Variants in MAOB observed in about 807,000 individuals in gnomAD.
MAOB encodes the protein monoamine oxidase B.
Under a neutral mutation model 41.9 loss-of-function variants are expected in MAOB, and 15 were observed. The ratio of observed to expected loss-of-function variants is 0.36; its 90% CI spans 0.24 to 0.55. MAOB has a LOEUF of 0.55. Ranked by LOEUF, MAOB falls within the 20% of genes least tolerant of loss-of-function variation. The pLI is 0.86. For missense variants in MAOB, 345 were observed against 398.7 expected (o/e 0.87, Z 1.15); for synonymous variants, 167 against 144.2 (o/e 1.16, Z -1.13).
chrX:43,877,164 C>G (rs867502910), intron 1 of MAOB, among the ~76,000 whole-genome samples: 6 of 112,208 alleles, frequency 5.3e-5, no homozygotes, highest in African/African-American at 1.9e-4. Flanking sequence ...CCCAAGGTGG[C>G]ACAGCTAGTT....
intron 8 of MAOB, among the ~76,000 whole-genome samples, chrX:43,785,665 A>T (rs1042546208): frequency 8.9e-6 from 1 of 112,244 alleles, no homozygotes; most frequent in African/African-American, 3.2e-5. Context: ...GATGTGCAGC[A>T]CTTTCTTTCA....
chrX:43,882,165 C>T (rs2035477411), intron 1 of MAOB, 89 bp downstream of exon 1: 2 of 1,161,998 alleles, frequency 1.7e-6, no homozygotes, highest in Non-Finnish European at 2.3e-6. Context: ...AGGGTCAGCC[C>T]CTGCCCCACG....
intron 3 of MAOB, among the ~76,000 whole-genome samples, chrX:43,831,507 G>A (rs768716697): frequency 9.1e-5 from 10 of 110,472 alleles, no homozygotes; most frequent in Non-Finnish European, 1.7e-4. Context: ...ATGAATAGAC[G>A]AATGGATGGA....
intron 3 of MAOB, among the ~76,000 whole-genome samples, chrX:43,808,633 CATCTATATCTATATCTAT>C (rs4071606): frequency 0.015 from 1,299 of 89,138 alleles, 25 homozygotes; most frequent in African/African-American, 0.05. Flanking sequence ...GCATCCTGCA[CATCTATATCTATATCTAT>C]ATCTATATCT....
chrX:43,850,225 C>T (rs1202167986), intron 1 of MAOB: 2 of 353,543 alleles, frequency 5.7e-6, no homozygotes, highest in Non-Finnish European at 7.3e-6. Context: ...CCTCCTATAA[C>T]ATACAGAGAT....
chrX:43,836,429 C>A (rs2035072617), intron 3 of MAOB, among the ~76,000 whole-genome samples: 1 of 112,330 alleles, frequency 8.9e-6, no homozygotes, highest in Admixed American at 9.4e-5. Flanking sequence ...TGACTGATCA[C>A]GAGGAGGCCA....
chrX:43,826,275 T>C lies in MAOB; in HGVS notation c.279+12593A>G, dbSNP rs936127739. On this transcript the variant is annotated intron_variant, in intron 3 of 14. Transcript: ENST00000378069. The stretch of plus-strand genomic sequence containing the variant: ...CTGACACCATACTAGGTGGCACTTC[T>C]TTTCCTGTAGGACTAGAGTGCTTGT... 5.4e-5 allele frequency among the ~76,000 whole-genome samples: 6 copies of C among 112,148 alleles called. No individual in the cohort carries two copies. In the Admixed American group the frequency reaches 5.7e-4, roughly 11 times the overall value.
Position 43,793,543 on chromosome X carries a change from C to G in MAOB, c.804G>C (p.Leu268=), listed in dbSNP as rs1461481080. 5.0e-6 allele frequency: 6 copies of G among 1,204,435 alleles called. No homozygotes were observed. In the South Asian group the frequency reaches 5.4e-5, roughly 11 times the overall value. Reference sequence around the variant, plus strand: ...GGGGATTGAAGTGAATCTTCATGCCCAGAGTAGGAGGAATAGCACTAATCA... The same window carrying G: ...GGGGATTGAAGTGAATCTTCATGCCGAGAGTAGGAGGAATAGCACTAATCA... The part of the protein sequence containing the change: ...KYVISAIPPT[L]GMKIHFNPPL... Residue 268 remains leucine, a synonymous_variant, in exon 8 of 15, where the codon CTG becomes CTC. Coordinates refer to ENST00000378069, the MANE Select transcript of MAOB (RefSeq NM_000898.5).
rs774069530 is a variant in MAOB, at chrX:43,769,412, T to C, written c.1242A>G (p.Leu414=). ...AGTAAATCCTGTCCACTGGCTGGCGTAGAACCCTTGGAACAAAACCAAAGA... is the reference window on the plus strand; with the variant it reads ...AGTAAATCCTGTCCACTGGCTGGCGCAGAACCCTTGGAACAAAACCAAAGA... ...PGILTQYGRV[L]RQPVDRIYFA... The change falls in exon 13 of 15, where the codon CTA becomes CTG. Residue 414 remains leucine (L), a synonymous_variant. Transcript: ENST00000378069. The C allele has an allele frequency of 9.1e-6, 11 of 1,204,046 alleles. No individual in the cohort carries two copies. Among genetic ancestry groups the C allele is most frequent in the Admixed American group, 4.5e-5 (2 of 44,673 alleles).
intron 1 of MAOB, among the ~76,000 whole-genome samples, chrX:43,870,571 G>A (rs7061798): frequency 0.022 from 2,387 of 110,061 alleles, 58 homozygotes; most frequent in African/African-American, 0.073. Context: ...TGAGGCGGGC[G>A]GATCATGAGG....
At chrX:43,797,643 C>T (rs867836257) in intron 5 of MAOB, among the ~76,000 whole-genome samples, 17 of 111,848 alleles carry the variant, frequency 1.5e-4, no homozygotes, top group Middle Eastern at 4.2e-3. Context: ...TCAATCTTCC[C>T]CCATCCAATT....
intron 1 of MAOB, among the ~76,000 whole-genome samples, chrX:43,881,583 G>A (rs1373192107): frequency 1.8e-5 from 2 of 112,186 alleles, no homozygotes; most frequent in Non-Finnish European, 3.8e-5. Context: ...GGTAGTGTCT[G>A]TCCCCATCCT....
At chrX:43,818,058 G>A (rs1050211574) in intron 3 of MAOB, among the ~76,000 whole-genome samples, 1 of 111,993 alleles carries the variant, frequency 8.9e-6, no homozygotes, top group South Asian at 3.7e-4. Context: ...TTGAAACCAT[G>A]TTTAGTGGCC....
intron 3 of MAOB, among the ~76,000 whole-genome samples, chrX:43,820,215 A>G (rs1242895661): frequency 1.8e-5 from 2 of 112,431 alleles, no homozygotes; most frequent in East Asian, 5.6e-4. Context: ...TAGAGAAAAG[A>G]TCACTCTACT....
intron 1 of MAOB, among the ~76,000 whole-genome samples, chrX:43,875,187 GTTGTCC>G (rs1054225889): frequency 9.0e-6 from 1 of 111,443 alleles, no homozygotes; most frequent in African/African-American, 3.3e-5. Context: ...ATTTGATCAG[GTTGTCC>G]TTCTGTTTGC....
At chrX:43,792,401 A>C (rs182193412) in intron 8 of MAOB, among the ~76,000 whole-genome samples, 76 of 112,502 alleles carry the variant, frequency 6.8e-4, no homozygotes, top group African/African-American at 2.4e-3. Flanking sequence ...GAAAGTAAAC[A>C]CACAGCCTAC....
intron 3 of MAOB, among the ~76,000 whole-genome samples, chrX:43,806,440 A>C (rs2034662795): frequency 9.0e-6 from 1 of 111,706 alleles, no homozygotes; most frequent in Non-Finnish European, 1.9e-5. Context: ...AGGACTATGA[A>C]TTTTGGGGAA....
intron 10 of MAOB, 51 bp from the exon 11 acceptor site, chrX:43,778,790 A>C: frequency 9.9e-7 from 1 of 1,011,791 alleles, no homozygotes; most frequent in Non-Finnish European, 1.4e-6. Flanking sequence ...AGGGAGGGAA[A>C]AAAAAAGTGG....
At chrX:43,841,494 C>T (rs1165819551) in intron 2 of MAOB, among the ~76,000 whole-genome samples, 2 of 111,413 alleles carry the variant, frequency 1.8e-5, no homozygotes, top group East Asian at 5.6e-4. Context: ...CAAAGTGATC[C>T]ATAGATTCAG....
Sources: gnomAD v4.1 joint callset for allele counts (sites outside exome capture counted in the v4.1 genomes callset) on GRCh38, gnomAD v4.1.1 for gene constraint, MANE v1.5 for transcripts, NCBI Gene and HGNC (gene_info 2026-07-23, HGNC 2026-07-21) for gene names.